DLG5: variants seen among roughly 807,000 people sequenced by gnomAD.
DLG5 encodes disks large homolog 5.
In DLG5, 48 loss-of-function variants were observed where a neutral mutation model predicts 189.8. The ratio of observed to expected loss-of-function variants is 0.25; its 90% confidence interval spans 0.20 to 0.32. DLG5 has a LOEUF of 0.32. DLG5 is among the 10% of genes least tolerant of loss of function. The pLI, the probability that DLG5 is intolerant of heterozygous loss-of-function variation, is 1.00. For synonymous variants in DLG5, 1,016 were observed against 1,054.1 expected (o/e 0.96, Z 0.70); for missense variants, 2,160 against 2,544.7 (o/e 0.85, Z 3.25).
rs558776383 is a variant in DLG5, at chr10:77,816,507, T to C, written c.4025+44A>G. 237 of 1,613,604 alleles carry C rather than the reference T, an allele frequency of 1.5e-4. No individual in the cohort carries two copies. Among genetic ancestry groups the C allele is most frequent in the South Asian group, 2.3e-4 (21 of 91,048 alleles). The stretch of plus-strand genomic sequence containing the variant: ...CCAGGCCCGCTGCCGGGATGCACAC[T>C]GTCCACTGGTTTACCCACTCCACCG... On this transcript the variant is annotated intron_variant, in intron 20 of 31. Transcript: ENST00000372391.
the DLG5 span, among the ~76,000 whole-genome samples, chr10:77,932,967 A>G: frequency 6.6e-6 from 1 of 152,204 alleles, no homozygotes; most frequent in Non-Finnish European, 1.5e-5. Context: ...AAAAAAGAAA[A>G]AAGATGCCCC....
At chr10:77,824,551 C>G (rs1842521925) in intron 13 of DLG5, 75 bp from the exon 14 acceptor site, 2 of 1,179,646 alleles carry the variant, frequency 1.7e-6, no homozygotes, top group Admixed American at 3.7e-5. Flanking sequence ...CTCTGCCTAC[C>G]TAACCTCCTG....
At chr10:77,819,621 G>C in intron 16 of DLG5, 156 bp from the exon 17 acceptor site, 1 of 1,128,572 alleles carries the variant, frequency 8.9e-7, no homozygotes, top group Non-Finnish European at 1.2e-6. Context: ...TGTGGCTGTG[G>C]CTCCTGGCCT....
At chr10:77,837,850 G>C (rs1010609819) in intron 7 of DLG5, among the ~76,000 whole-genome samples, 1 of 152,210 alleles carries the variant, frequency 6.6e-6, no homozygotes, top group African/African-American at 2.4e-5. Context: ...GGCGTGGGAA[G>C]AGATGGGCTA....
At chr10:77,868,447 C>G in intron 2 of DLG5, 2 of 284,862 alleles carry the variant, frequency 7.0e-6, no homozygotes, top group Non-Finnish European at 1.4e-5. Context: ...ATGTGACTCC[C>G]CCTCCCAGAA....
At chr10:77,816,957 G>A (rs778207221) in intron 19 of DLG5, 50 bp downstream of exon 19, 8 of 1,585,498 alleles carry the variant, frequency 5.0e-6, no homozygotes, top group Non-Finnish European at 6.9e-6. Context: ...ACCATGAGGA[G>A]TCAGACCGCA....
intron 7 of DLG5, among the ~76,000 whole-genome samples, chr10:77,840,275 G>A (rs1843355758): frequency 6.6e-6 from 1 of 152,022 alleles, no homozygotes; most frequent in African/African-American, 2.4e-5. Flanking sequence ...CTACTTGGGG[G>A]GTCTGAGGTG....
chr10:77,813,233 G>A (rs927821967), intron 20 of DLG5, among the ~76,000 whole-genome samples: 6 of 152,160 alleles, frequency 3.9e-5, no homozygotes, highest in South Asian at 2.1e-4. Flanking sequence ...GATTTTCCTC[G>A]CAGGATAAAA....
chr10:77,834,362 T>G (rs1331401438), intron 8 of DLG5, among the ~76,000 whole-genome samples: 1 of 152,060 alleles, frequency 6.6e-6, no homozygotes, highest in Non-Finnish European at 1.5e-5. Context: ...ACTGTTCTAA[T>G]GCCAACTTGG....
chr10:77,811,856 T>C, intron 22 of DLG5, 68 bp downstream of exon 22: 1 of 1,508,738 alleles, frequency 6.6e-7, no homozygotes, highest in Non-Finnish European at 8.8e-7. Flanking sequence ...CTCCCTAAAA[T>C]GAGCAGAGTG....
intron 22 of DLG5, 37 bp downstream of exon 22, chr10:77,811,887 C>A (rs1400864105): frequency 6.3e-7 from 1 of 1,578,100 alleles, no homozygotes; most frequent in South Asian, 1.1e-5. Flanking sequence ...CACCTCTCCA[C>A]CCCCAGCCCA....
At chr10:77,828,486 C>CAAAAAAAAAAAA (rs34839290) in intron 13 of DLG5, among the ~76,000 whole-genome samples, 2 of 66,466 alleles carry the variant, frequency 3.0e-5, no homozygotes, top group Non-Finnish European at 2.7e-5. Context: ...GACTCCATAT[C>CAAAAAAAAAAAA]AAAAAAAAAA....
intron 29 of DLG5, among the ~76,000 whole-genome samples, chr10:77,795,588 T>A (rs12249623): frequency 0.036 from 5,488 of 151,960 alleles, 328 homozygotes; most frequent in African/African-American, 0.13. Context: ...CCACCAGCAC[T>A]CCCCACAGAC....
chr10:77,805,491 T>A (rs928990591), intron 27 of DLG5, among the ~76,000 whole-genome samples, 174 bp downstream of exon 27: 1 of 152,100 alleles, frequency 6.6e-6, no homozygotes, highest in East Asian at 1.9e-4. Flanking sequence ...CCACACCCCA[T>A]AGATGTGGCT....
At chr10:77,823,521 C>A (rs1842466781) in intron 14 of DLG5, among the ~76,000 whole-genome samples, 1 of 140,704 alleles carries the variant, frequency 7.1e-6, no homozygotes, top group African/African-American at 2.7e-5. Context: ...TGACATGTCA[C>A]TTCCCTTCCT....
At chr10:77,809,336 G>A (rs148746218) in intron 24 of DLG5, among the ~76,000 whole-genome samples, 4,922 of 152,268 alleles carry the variant, frequency 0.032, 275 homozygotes, top group African/African-American at 0.11. Flanking sequence ...AACCTGGGAA[G>A]TGAAGGTTGC....
At chr10:77,934,743 A>G in the DLG5 span, among the ~76,000 whole-genome samples, 1 of 152,134 alleles carries the variant, frequency 6.6e-6, no homozygotes, top group Non-Finnish European at 1.5e-5. Flanking sequence ...AGCGGCTACC[A>G]CCTTGATATC....
intron 1 of DLG5, among the ~76,000 whole-genome samples, chr10:77,921,130 G>C (rs533021592): frequency 6.6e-6 from 1 of 152,300 alleles, no homozygotes; most frequent in East Asian, 1.9e-4. Context: ...AGGATGGCTT[G>C]AGCCCAGGAG....
chr10:77,898,905 C>T (rs555776961), intron 1 of DLG5, among the ~76,000 whole-genome samples: 3 of 152,336 alleles, frequency 2.0e-5, no homozygotes, highest in African/African-American at 7.2e-5. Flanking sequence ...GGATTCTCCT[C>T]CTACCCAGAT....
Sources: allele counts gnomAD v4.1 joint callset (sites outside exome capture counted in the v4.1 genomes callset), GRCh38; gene constraint gnomAD v4.1.1; transcripts MANE v1.5; gene names NCBI Gene and HGNC (gene_info 2026-07-23, HGNC 2026-07-21).